Variants in CSNK1E observed in about 807,000 individuals in gnomAD.
The protein encoded by CSNK1E is casein kinase 1 epsilon, also known as casein kinase I isoform epsilon.
A neutral mutation model predicts 46.1 loss-of-function variants in CSNK1E; 17 were observed. The observed-to-expected ratio is 0.37, with a 90% CI of 0.25 to 0.55. The LOEUF is 0.55. CSNK1E is among the 20% of genes least tolerant of loss of function. The pLI is 0.82. For missense variants in CSNK1E, 386 were observed against 595.4 expected (o/e 0.65, Z 3.66); for synonymous variants, 241 against 242.6 (o/e 0.99, Z 0.06).
chr22:38,314,935 C>G (rs991728872), intron 1 of CSNK1E, among the ~76,000 whole-genome samples: 1 of 152,172 alleles, frequency 6.6e-6, no homozygotes, highest in Non-Finnish European at 1.5e-5. Flanking sequence ...AGTCCGGACA[C>G]CCTGTTCCTG....
At position 38,294,446 on chromosome 22, in the gene CSNK1E, G is replaced by T; in HGVS notation, c.974C>A (p.Thr325Asn). 6.4e-7 allele frequency: 1 copy of T among 1,573,464 alleles called. No homozygotes were observed. ...GGGTGGGCCAGGGGGCAGGGCTCGG[G>T]TCGCGGACCCCCGTAGCTGCCCCAT... ...ERMGQLRGSA[T>N]RALPPGPPTG... Residue 325 changes from threonine (T) to asparagine (N), a missense_variant, in exon 8 of 11, where the codon ACC becomes AAC. Thr to Asn is a moderately conservative substitution (Grantham distance 65, BLOSUM62 0). This residue lies in a region of CSNK1E where 174 missense variants were observed against 185.2 expected (regional missense o/e 0.94). Coordinates refer to ENST00000396832, the MANE Select transcript of CSNK1E (RefSeq NM_152221.3). This position sits in a 1 kb window ranked among gnomAD's most constrained non-coding sequence, Gnocchi z 5.5.
intron 2 of CSNK1E, among the ~76,000 whole-genome samples, chr22:38,310,360 C>T (rs760556397): frequency 4.6e-5 from 7 of 152,118 alleles, no homozygotes; most frequent in Admixed American, 2.6e-4. Context: ...CAGGTGGCCA[C>T]GGGCGTGGCC....
chr22:38,299,818 C>T, intron 6 of CSNK1E, 77 bp downstream of exon 6: 1 of 1,531,124 alleles, frequency 6.5e-7, no homozygotes, highest in South Asian at 1.2e-5. Context: ...CCAGCGTGGG[C>T]TTTGTATGGC....
intron 2 of CSNK1E, among the ~76,000 whole-genome samples, chr22:38,310,849 A>C (rs1204855616): frequency 1.3e-5 from 2 of 152,200 alleles, no homozygotes; most frequent in Non-Finnish European, 2.9e-5. Context: ...GGCCATCTGG[A>C]GTCAGGCCCT....
Position 38,301,182 on chromosome 22 carries a change from T to C in CSNK1E, c.337-230A>G, listed in dbSNP as rs181729216. Among the ~76,000 whole-genome samples, 61 of 152,290 alleles carry C rather than the reference T, an allele frequency of 4.0e-4. 1 individual carries two copies. The East Asian group carries it at 8.9e-3, about 22-fold the overall frequency. On this transcript the variant is annotated intron_variant, in intron 4 of 10. Coordinates refer to ENST00000396832, the MANE Select transcript of CSNK1E (RefSeq NM_152221.3). ...GGCTGTGAGACAGAGAAAGAGAGTATTGCAGGAAAGCTAATGGGAAGATCC... is the reference window on the plus strand; with the variant it reads ...GGCTGTGAGACAGAGAAAGAGAGTACTGCAGGAAAGCTAATGGGAAGATCC...
intron 1 of CSNK1E, among the ~76,000 whole-genome samples, chr22:38,315,516 C>T (rs182883020): frequency 3.3e-5 from 5 of 152,314 alleles, no homozygotes; most frequent in African/African-American, 4.8e-5. Context: ...ACACAGTCCA[C>T]GTTTGCAGGA....
chr22:38,306,851 G>A (rs1189853689), intron 2 of CSNK1E, among the ~76,000 whole-genome samples: 2 of 152,162 alleles, frequency 1.3e-5, no homozygotes, highest in East Asian at 1.9e-4. Context: ...AAAAATACGT[G>A]GGGGGAGAAA....
Position 38,294,600 on chromosome 22 carries a change from C to T in CSNK1E, c.886-66G>A. On this transcript the variant is annotated intron_variant, in intron 7 of 10. Coordinates refer to ENST00000396832, the MANE Select transcript of CSNK1E (RefSeq NM_152221.3). This position sits in a 1 kb window ranked among gnomAD's most constrained non-coding sequence, Gnocchi z 5.5. ...CCAGGGTGCTCTGGGCCCAGCAGCC[C>T]TGCAGGGCACAGAAGGGGAGGGAGG... 6.9e-7 allele frequency: 1 copy of T among 1,452,002 alleles called. No individual in the cohort carries two copies. Among genetic ancestry groups the T allele is most frequent in the Non-Finnish European group, 9.2e-7 (1 of 1,085,468 alleles). The allele number at this position is 1,452,002 out of a possible 1,614,324, so 89.9% of individuals were successfully genotyped here.
rs2092653418 is a variant in CSNK1E at position 38,298,527 on chromosome 22, G to C, written c.885+259C>G. ...CATGCCCTGCTGCGGGCACCCAGGA[G>C]GGACCCCAGGTGAAGCCAGATCCTC... On this transcript the variant is annotated intron_variant, in intron 7 of 10. Coordinates refer to ENST00000396832, the MANE Select transcript of CSNK1E (RefSeq NM_152221.3). This position sits in a 1 kb window ranked among gnomAD's most constrained non-coding sequence, Gnocchi z 4.2. 4.1e-6 allele frequency: 2 copies of C among 483,548 alleles called. No homozygotes were observed. Among genetic ancestry groups the C allele is most frequent in the Non-Finnish European group, 7.5e-6 (2 of 265,042 alleles). 30.0% of individuals were successfully genotyped at this position (483,548 alleles called of 1,614,324 possible). A position where few individuals can be genotyped will look rare whatever the true frequency, so the allele number is the denominator to read the frequency against.
intron 7 of CSNK1E, chr22:38,296,994 A>C: frequency 1.5e-6 from 1 of 650,346 alleles, no homozygotes. Flanking sequence ...GGCTGGTCTT[A>C]AACTCCTGAC....
intron 7 of CSNK1E, chr22:38,296,300 C>T: frequency 7.6e-7 from 1 of 1,312,946 alleles, no homozygotes; most frequent in South Asian, 2.0e-5. Flanking sequence ...CTGTCCTTGG[C>T]TGTGTTGAAT....
rs2092625864 is a variant in CSNK1E, at chr22:38,294,027, A to AT, written c.1218+81_1218+82insA. The AT allele has an allele frequency of 1.3e-6, 2 of 1,498,190 alleles. No individual in the cohort carries two copies. The highest frequency in any genetic ancestry group is 2.3e-4 in the Middle Eastern group (1 of 4,354). The allele number at this position is 1,498,190 out of a possible 1,614,324, so 92.8% of individuals were successfully genotyped here. A position where few individuals can be genotyped will look rare whatever the true frequency, so the allele number is the denominator to read the frequency against. ...AAGCAGCGTCGATGGAAAGGGAAGA[A>AT]CAGAGCCACGGCCTGACCTCCCACT... On this transcript the variant is annotated intron_variant, in intron 9 of 10. Transcript: ENST00000396832. This position sits in a 1 kb window ranked among gnomAD's most constrained non-coding sequence, Gnocchi z 5.5.
chr22:38,305,120 TCA>T (rs2092692174), intron 2 of CSNK1E, among the ~76,000 whole-genome samples: 1 of 30,830 alleles, frequency 3.2e-5, no homozygotes, highest in Non-Finnish European at 5.2e-5. Context: ...AAACTCCAGC[TCA>T]AAAAAAAAAA....
chr22:38,298,601 T>C lies in CSNK1E; in HGVS notation c.885+185A>G. On this transcript the variant is annotated intron_variant, in intron 7 of 10. Coordinates refer to ENST00000396832, the MANE Select transcript of CSNK1E (RefSeq NM_152221.3). The surrounding 1 kb of genome is among the most constrained non-coding windows in gnomAD (Gnocchi z 4.2). ...CCTGCCTGGGCCCTGCTGCCCATGG[T>C]GGCACAAGCTGTCAGCACGGATGAG... The C allele has an allele frequency of 1.5e-6, 1 of 663,740 alleles. No homozygotes were observed. The highest frequency in any genetic ancestry group is 2.6e-6 in the Non-Finnish European group (1 of 390,190). 41.1% of individuals were successfully genotyped at this position (663,740 alleles called of 1,614,324 possible).
chr22:38,300,235 A>G lies in CSNK1E; in HGVS notation c.566-170T>C, dbSNP rs1569077769. Among the ~76,000 whole-genome samples, 2 of 152,202 alleles carry G rather than the reference A, an allele frequency of 1.3e-5. No individual in the cohort carries two copies. ...CTGCTATTATCCTCCTCCTACAGAG[A>G]AGAAGCCTGAGGCAGGGCCTTCTCA... On this transcript the variant is annotated intron_variant, in intron 5 of 10. Coordinates refer to ENST00000396832, the MANE Select transcript of CSNK1E (RefSeq NM_152221.3). The surrounding 1 kb of genome is among the most constrained non-coding windows in gnomAD (Gnocchi z 4.4).
At chr22:38,297,489 G>A (rs2092647134) in intron 7 of CSNK1E, 1 of 859,786 alleles carries the variant, frequency 1.2e-6, no homozygotes, top group Non-Finnish European at 1.4e-6. Flanking sequence ...AACCCAGAGA[G>A]AAGAGAAGCC....
In CSNK1E at chr22:38,303,199, C is replaced by T. The variant is rs2092682700; in HGVS notation, c.126G>A (p.Val42=). ...GEEVAIKLEC[V]KTKHPQLHIE... ...TGTGCAGCTGGGGGTGCTTTGTCTT[C>T]ACACACTCCAGCTTGATGGCGACTT... The change falls in exon 3 of 11, where the codon GTG becomes GTA. Residue 42 remains valine (V), a synonymous_variant. Coordinates refer to ENST00000396832, the MANE Select transcript of CSNK1E (RefSeq NM_152221.3). The surrounding 1 kb of genome is among the most constrained non-coding windows in gnomAD (Gnocchi z 4.7). 6.2e-6 allele frequency: 10 copies of T among 1,610,032 alleles called. No homozygotes were observed. Among genetic ancestry groups the T allele is most frequent in the Non-Finnish European group, 8.5e-6 (10 of 1,178,680 alleles).
chr22:38,309,262 G>A lies in CSNK1E; in HGVS notation c.76+4820C>T, dbSNP rs1025084079. ...GAAGGCCTGGGAAGGCCACTACAGA[G>A]ACCAGGCAAGAGCTGACGGTGGCCC... is the stretch of plus-strand genomic sequence containing the variant. On this transcript the variant is annotated intron_variant, in intron 2 of 10. Coordinates refer to ENST00000396832, the MANE Select transcript of CSNK1E (RefSeq NM_152221.3). This position sits in a 1 kb window ranked among gnomAD's most constrained non-coding sequence, Gnocchi z 4.8. Among the ~76,000 whole-genome samples, 8 of 152,342 alleles carry A rather than the reference G, an allele frequency of 5.3e-5. No individual in the cohort carries two copies. The South Asian group carries it at 1.4e-3, about 28-fold the overall frequency.
intron 2 of CSNK1E, among the ~76,000 whole-genome samples, chr22:38,308,727 T>G (rs565438565): frequency 6.6e-6 from 1 of 151,876 alleles, no homozygotes; most frequent in Admixed American, 6.6e-5. Context: ...GAATAAGCCA[T>G]GCTATGAGGA....
Sources: gnomAD v4.1 joint callset for allele counts (sites outside exome capture counted in the v4.1 genomes callset) on GRCh38, gnomAD v4.1.1 for gene constraint, gnomAD v4.1.1 regional missense constraint, Gnocchi (gnomAD v3.1) non-coding constraint, MANE v1.5 for transcripts, NCBI Gene and HGNC (gene_info 2026-07-23, HGNC 2026-07-21) for gene names.